The following METTL24 variants were observed in gnomAD, a reference collection of about 807,000 sequenced individuals.
METTL24 encodes the protein probable methyltransferase-like protein 24.
In METTL24, 29 loss-of-function variants were observed where a neutral mutation model predicts 32.7. The observed-to-expected ratio is 0.89, with a 90% CI of 0.66 to 1.21. METTL24 has a LOEUF of 1.21. Ranked by LOEUF, METTL24 falls within the 50% of genes most tolerant of loss-of-function variation. The pLI is 0.00. For missense variants in METTL24, 439 were observed against 468.1 expected (o/e 0.94, Z 0.57); for synonymous variants, 163 against 179.5 (o/e 0.91, Z 0.73).
chr6:110,275,816 T>G (rs1318616808), intron 4 of METTL24, among the ~76,000 whole-genome samples: 2 of 152,214 alleles, frequency 1.3e-5, no homozygotes, highest in Non-Finnish European at 2.9e-5. Context: ...GTAGTTAATA[T>G]ATAACAAGCA....
intron 1 of METTL24, among the ~76,000 whole-genome samples, chr6:110,336,756 A>C (rs1462331339): frequency 2.7e-5 from 4 of 149,648 alleles, no homozygotes; most frequent in Admixed American, 6.7e-5. Flanking sequence ...AAAAAAAAAA[A>C]CAAAAAGATG....
At chr6:110,295,013 C>CTTTTTTTTTTTTTTTTTTTTTTTTTT (rs1195740747) in intron 4 of METTL24, among the ~76,000 whole-genome samples, 1 of 78,144 alleles carries the variant, frequency 1.3e-5, no homozygotes, top group African/African-American at 5.5e-5. Flanking sequence ...TTCTTTCTTT[C>CTTTTTTTTTTTTTTTTTTTTTTTTTT]TTTTTTTTTT....
intron 1 of METTL24, among the ~76,000 whole-genome samples, chr6:110,348,564 T>C (rs1007672260): frequency 2.6e-5 from 4 of 152,248 alleles, no homozygotes; most frequent in Non-Finnish European, 5.9e-5. Flanking sequence ...TCAAAGTACA[T>C]GAAAAATAAA....
chr6:110,342,696 G>T (rs910954266), intron 1 of METTL24, among the ~76,000 whole-genome samples: 45 of 152,108 alleles, frequency 3.0e-4, no homozygotes, highest in African/African-American at 9.9e-4. Flanking sequence ...TTTCCTAGTA[G>T]CAGTTGCTTC....
chr6:110,334,141 A>G (rs1258840273), intron 1 of METTL24, among the ~76,000 whole-genome samples: 1 of 152,134 alleles, frequency 6.6e-6, no homozygotes, highest in African/African-American at 2.4e-5. Flanking sequence ...CCTGCACAGC[A>G]ATCTCCATCT....
intron 4 of METTL24, among the ~76,000 whole-genome samples, chr6:110,253,230 TAG>T (rs977954440): frequency 6.6e-6 from 1 of 151,988 alleles, no homozygotes; most frequent in Non-Finnish European, 1.5e-5. Flanking sequence ...TCAATAGGAA[TAG>T]AGAGAGAGAG....
chr6:110,268,979 C>T (rs1009052129), intron 4 of METTL24, among the ~76,000 whole-genome samples: 3 of 152,074 alleles, frequency 2.0e-5, no homozygotes, highest in African/African-American at 4.8e-5. Flanking sequence ...GCCAGGTCTA[C>T]AGCCCACATC....
In METTL24 at chr6:110,295,013, C is replaced by CTTTTTTTT. The variant is rs1195740747; in HGVS notation, c.786+3901_786+3908dup. On this transcript the variant is annotated intron_variant, in intron 4 of 4. Coordinates refer to ENST00000338882, the MANE Select transcript of METTL24 (RefSeq NM_001123364.3). ...ATTGCTTTTCTTTTTTTCTTTCTTT[C>CTTTTTTTT]TTTTTTTTTTTTTTTTTTTTTTTTT... is the stretch of plus-strand genomic sequence containing the variant. Among the ~76,000 whole-genome samples the CTTTTTTTT allele has an allele frequency of 3.0e-3, 238 of 78,120 alleles. 10 individuals are homozygous for CTTTTTTTT. Among genetic ancestry groups the CTTTTTTTT allele is most frequent in the African/African-American group, 7.4e-3 (136 of 18,332 alleles). The allele number at this position is 78,120 out of a possible 152,430, so 51.2% of individuals were successfully genotyped here.
intron 2 of METTL24, 29 bp downstream of exon 2, chr6:110,322,745 C>T (rs1410515331): frequency 6.4e-7 from 1 of 1,574,796 alleles, no homozygotes; most frequent in East Asian, 2.2e-5. Context: ...TCACATTCTT[C>T]TCTAACTTCT....
At chr6:110,288,823 C>T (rs145745302) in intron 4 of METTL24, among the ~76,000 whole-genome samples, 5 of 152,292 alleles carry the variant, frequency 3.3e-5, no homozygotes, top group African/African-American at 1.2e-4. Flanking sequence ...GACATAGGAA[C>T]TCAAGGTGCT....
At chr6:110,310,971 T>C (rs948898814) in intron 3 of METTL24, among the ~76,000 whole-genome samples, 1 of 152,200 alleles carries the variant, frequency 6.6e-6, no homozygotes, top group Admixed American at 6.5e-5. Context: ...GGCATGGTCT[T>C]GTTGCTGCTG....
chr6:110,252,822 C>T (rs1778306861), intron 4 of METTL24, among the ~76,000 whole-genome samples: 1 of 152,202 alleles, frequency 6.6e-6, no homozygotes, highest in African/African-American at 2.4e-5. Context: ...ACCACTGAGA[C>T]ATGGGATCAA....
chr6:110,268,876 G>C (rs571169449), intron 4 of METTL24, among the ~76,000 whole-genome samples: 1 of 152,060 alleles, frequency 6.6e-6, no homozygotes, highest in African/African-American at 2.4e-5. Flanking sequence ...CTACACAGGG[G>C]TTCCTCCCTC....
chr6:110,314,314 A>C (rs78704943), intron 3 of METTL24, among the ~76,000 whole-genome samples: 4,959 of 152,306 alleles, frequency 0.033, 253 homozygotes, highest in African/African-American at 0.11. Context: ...GGATGTTCCA[A>C]ACAAAAATAA....
At chr6:110,306,759 G>A (rs988608662) in intron 3 of METTL24, among the ~76,000 whole-genome samples, 4 of 152,152 alleles carry the variant, frequency 2.6e-5, no homozygotes, top group African/African-American at 7.2e-5. Context: ...AGCAAGAGGA[G>A]AAGTAAATGT....
At position 110,249,788 on chromosome 6, in the gene METTL24, C is replaced by G. The variant is rs901697522; in HGVS notation, c.787-3528G>C. Among the ~76,000 whole-genome samples the G allele has an allele frequency of 2.0e-5, 3 of 152,006 alleles. No individual in the cohort carries two copies. In the South Asian group the frequency reaches 6.2e-4, roughly 31 times the overall value. On this transcript the variant is annotated intron_variant, in intron 4 of 4. Transcript: ENST00000338882. ...AAATCAGGTTTGTGGAGAAAAACAA[C>G]TTAAGGTTAACTCCCAGAAAACTCT... is the stretch of plus-strand genomic sequence containing the variant.
intron 4 of METTL24, among the ~76,000 whole-genome samples, chr6:110,284,203 A>T (rs7771574): frequency 0.13 from 19,540 of 152,156 alleles, 2,864 homozygotes; most frequent in African/African-American, 0.36. Flanking sequence ...GGTTACCAGG[A>T]AGGAGTGGGG....
intron 4 of METTL24, among the ~76,000 whole-genome samples, chr6:110,273,339 A>C (rs1056245956): frequency 6.6e-6 from 1 of 152,158 alleles, no homozygotes; most frequent in African/African-American, 2.4e-5. Context: ...TAAAGCACAA[A>C]ATTTTCTTGC....
intron 2 of METTL24, 42 bp downstream of exon 2, chr6:110,322,732 C>G: frequency 6.5e-7 from 1 of 1,530,336 alleles, no homozygotes; most frequent in Non-Finnish European, 9.0e-7. Context: ...CAATCAGGAT[C>G]TTTCACATTC....
Sources: gnomAD v4.1 joint callset for allele counts (sites outside exome capture counted in the v4.1 genomes callset) on GRCh38, gnomAD v4.1.1 for gene constraint, MANE v1.5 for transcripts, NCBI Gene and HGNC (gene_info 2026-07-23, HGNC 2026-07-21) for gene names.